The following CCDC150 variants were observed in gnomAD, a reference collection of about 807,000 sequenced individuals.
CCDC150 encodes the protein coiled-coil domain-containing protein 150.
In CCDC150, 151 loss-of-function variants were observed where a neutral mutation model predicts 156.5. That is an observed-to-expected ratio of 0.97 (90% CI 0.85 to 1.10). The LOEUF (loss-of-function observed/expected upper bound fraction) is 1.10. CCDC150 is among the 50% of genes least tolerant of loss of function. CCDC150 has a pLI of 0.00. For synonymous variants in CCDC150, 452 were observed against 429.4 expected (o/e 1.05, Z -0.65); for missense variants, 1,312 against 1,268.1 (o/e 1.03, Z -0.53).
intron 13 of CCDC150, among the ~76,000 whole-genome samples, chr2:196,687,640 T>G (rs1278232618): frequency 6.6e-6 from 1 of 152,238 alleles, no homozygotes; most frequent in Non-Finnish European, 1.5e-5. Flanking sequence ...TCGTTGCGAT[T>G]GCTTTTGACG....
intron 1 of CCDC150, 60 bp from the exon 2 acceptor site, chr2:196,646,281 A>G (rs1469283802): frequency 2.0e-6 from 3 of 1,479,684 alleles, no homozygotes; most frequent in Non-Finnish European, 2.8e-6. Flanking sequence ...CAGGAATGGC[A>G]GTGACTATTT....
intron 5 of CCDC150, among the ~76,000 whole-genome samples, chr2:196,661,473 G>C (rs1693554683): frequency 6.6e-6 from 1 of 151,958 alleles, no homozygotes; most frequent in Non-Finnish European, 1.5e-5. Flanking sequence ...ATCAGGATAT[G>C]GTCAGATTGC....
intron 19 of CCDC150, chr2:196,720,120 A>G (rs1697791672): frequency 4.9e-6 from 2 of 407,726 alleles, no homozygotes; most frequent in South Asian, 1.9e-5. Context: ...GCCATGTTTT[A>G]TAAGTAAATT....
At chr2:196,707,784 G>C (rs557709022) in intron 15 of CCDC150, among the ~76,000 whole-genome samples, 1 of 152,238 alleles carries the variant, frequency 6.6e-6, no homozygotes, top group South Asian at 2.1e-4. Flanking sequence ...AGTCATTCAG[G>C]AGCACCAGGT....
chr2:196,718,997 T>C (rs1697715232), intron 18 of CCDC150, among the ~76,000 whole-genome samples: 1 of 152,254 alleles, frequency 6.6e-6, no homozygotes, highest in East Asian at 1.9e-4. Context: ...GTATGCTTAG[T>C]GGGAATAGAG....
At chr2:196,675,914 C>T (rs1575809838) in intron 10 of CCDC150, among the ~76,000 whole-genome samples, 1 of 152,210 alleles carries the variant, frequency 6.6e-6, no homozygotes, top group South Asian at 2.1e-4. Flanking sequence ...GTAAATAATG[C>T]ATCTTGACTA....
At chr2:196,673,486 G>T (rs1489902980) in intron 9 of CCDC150, among the ~76,000 whole-genome samples, 7 of 152,096 alleles carry the variant, frequency 4.6e-5, no homozygotes, top group African/African-American at 1.4e-4. Context: ...CTACTGTACT[G>T]CCTGCCCATA....
chr2:196,648,043 T>C (rs1692646413), intron 2 of CCDC150, among the ~76,000 whole-genome samples: 1 of 152,216 alleles, frequency 6.6e-6, no homozygotes, highest in Non-Finnish European at 1.5e-5. Flanking sequence ...TCCCTATTGA[T>C]GGGCATTTAG....
At chr2:196,658,243 A>C (rs551556417) in intron 4 of CCDC150, among the ~76,000 whole-genome samples, 48 of 152,226 alleles carry the variant, frequency 3.2e-4, no homozygotes, top group Admixed American at 1.0e-3. Flanking sequence ...GAAAGGAAAG[A>C]GGAATGTTCT....
At chr2:196,680,490 C>T (rs796561002) in intron 13 of CCDC150, among the ~76,000 whole-genome samples, 14 of 152,068 alleles carry the variant, frequency 9.2e-5, no homozygotes, top group African/African-American at 3.1e-4. Context: ...TTTGTAGAGA[C>T]GGAGTTTTGT....
intron 1 of CCDC150, 112 bp from the exon 2 acceptor site, chr2:196,646,229 C>A: frequency 2.1e-6 from 2 of 955,500 alleles, no homozygotes; most frequent in South Asian, 1.6e-5. Context: ...GAACACATCA[C>A]CATTCCTGAG....
intron 2 of CCDC150, among the ~76,000 whole-genome samples, chr2:196,652,755 G>C (rs1158527621): frequency 6.6e-6 from 1 of 152,244 alleles, no homozygotes; most frequent in Non-Finnish European, 1.5e-5. Flanking sequence ...GAAGCCTGTT[G>C]CAGGAGGAGA....
intron 15 of CCDC150, among the ~76,000 whole-genome samples, chr2:196,710,249 C>T (rs879777290): frequency 6.6e-6 from 1 of 152,112 alleles, no homozygotes; most frequent in Non-Finnish European, 1.5e-5. Flanking sequence ...CAGGCTGCTG[C>T]CTCAGACTTC....
chr2:196,707,032 T>A (rs1014524786), intron 15 of CCDC150, among the ~76,000 whole-genome samples: 9 of 152,256 alleles, frequency 5.9e-5, no homozygotes, highest in South Asian at 2.1e-4. Flanking sequence ...TCATAAAATG[T>A]GTTAGGGAGG....
At chr2:196,698,817 T>G (rs961003491) in intron 14 of CCDC150, among the ~76,000 whole-genome samples, 1 of 152,194 alleles carries the variant, frequency 6.6e-6, no homozygotes, top group Non-Finnish European at 1.5e-5. Context: ...ATTAGGTATA[T>G]CTCCTAATGC....
intron 2 of CCDC150, among the ~76,000 whole-genome samples, chr2:196,647,251 C>G (rs928577706): frequency 6.6e-6 from 1 of 151,954 alleles, no homozygotes; most frequent in Non-Finnish European, 1.5e-5. Flanking sequence ...TAAAAATTTT[C>G]TAAAAACATG....
intron 15 of CCDC150, among the ~76,000 whole-genome samples, chr2:196,705,812 C>T (rs928812672): frequency 5.9e-5 from 9 of 152,166 alleles, no homozygotes; most frequent in Non-Finnish European, 1.3e-4. Flanking sequence ...ATAGGAAATC[C>T]TTTCCCCATT....
At chr2:196,652,083 G>A (rs777578321) in intron 2 of CCDC150, among the ~76,000 whole-genome samples, 7 of 152,244 alleles carry the variant, frequency 4.6e-5, no homozygotes, top group South Asian at 2.1e-4. Context: ...CTCCCACCAG[G>A]CCTTACCTCC....
At position 196,672,420 on chromosome 2, in the gene CCDC150, G is replaced by A; in HGVS notation, c.1012G>A (p.Ala338Thr). The A allele has an allele frequency of 6.6e-7, 1 of 1,519,962 alleles. No homozygotes were observed. The highest frequency in any genetic ancestry group is 8.8e-7 in the Non-Finnish European group (1 of 1,134,846). The allele number at this position is 1,519,962 out of a possible 1,614,324, so 94.2% of individuals were successfully genotyped here. Reference sequence around the variant, plus strand: ...GTCCGAAATAATGTCTCTTCATGAAGCATCAGAAAAAGCACAAGTAAATGC... The same window carrying A: ...GTCCGAAATAATGTCTCTTCATGAAACATCAGAAAAAGCACAAGTAAATGC... ...LRSEIMSLHEASEKAQVLNDQ... is the reference protein window; with the variant it reads ...LRSEIMSLHETSEKAQVLNDQ... The change falls in exon 9 of 28, where the codon GCA becomes ACA. Residue 338 changes from alanine (A) to threonine (T), a missense_variant. Coordinates refer to ENST00000389175, the MANE Select transcript of CCDC150 (RefSeq NM_001080539.2).
Sources: gnomAD v4.1 joint callset for allele counts (sites outside exome capture counted in the v4.1 genomes callset) on GRCh38, gnomAD v4.1.1 for gene constraint, MANE v1.5 for transcripts, NCBI Gene and HGNC (gene_info 2026-07-23, HGNC 2026-07-21) for gene names.